Variants in RPH3A observed in about 807,000 individuals in gnomAD.
RPH3A encodes rabphilin 3A, also known as rabphilin-3A.
Under a neutral mutation model 102.2 loss-of-function variants are expected in RPH3A, and 48 were observed. The observed-to-expected ratio is 0.47, with a 90% confidence interval of 0.37 to 0.60. The LOEUF is 0.60. Among genes scored for constraint, RPH3A ranks in the 20% least tolerant of loss-of-function variants. The pLI is 0.00. For synonymous variants in RPH3A, 310 were observed against 324.3 expected (o/e 0.96, Z 0.47); for missense variants, 781 against 910.1 (o/e 0.86, Z 1.83).
At chr12:112,643,539 CAT>C (rs1374635934) in intron 1 of RPH3A, among the ~76,000 whole-genome samples, 2 of 152,230 alleles carry the variant, frequency 1.3e-5, no homozygotes, top group African/African-American at 4.8e-5. Flanking sequence ...AAAGAGAAGA[CAT>C]AGTTTCTGCT....
At chr12:112,630,139 TCCAC>T (rs746357341) in intron 1 of RPH3A, among the ~76,000 whole-genome samples, 2 of 151,978 alleles carry the variant, frequency 1.3e-5, no homozygotes, top group African/African-American at 4.8e-5. Flanking sequence ...CATCTACCCA[TCCAC>T]CCACCCACCC....
At chr12:112,585,438 T>G (rs2039431821) in intron 1 of RPH3A, among the ~76,000 whole-genome samples, 1 of 152,150 alleles carries the variant, frequency 6.6e-6, no homozygotes, top group Admixed American at 6.6e-5. Flanking sequence ...TGAATCCCGT[T>G]TCTTGAAAAG....
chr12:112,832,806 A>G (rs73198783), intron 3 of RPH3A, among the ~76,000 whole-genome samples: 47,171 of 152,146 alleles, frequency 0.31, 7,585 homozygotes, highest in Middle Eastern at 0.39. Flanking sequence ...TTATGCCACC[A>G]CACTCCAGCT....
At chr12:112,666,571 C>T (rs767856068) in intron 1 of RPH3A, among the ~76,000 whole-genome samples, 7 of 152,176 alleles carry the variant, frequency 4.6e-5, no homozygotes, top group South Asian at 2.1e-4. Flanking sequence ...GGGAAATAAG[C>T]GGCAGGAAGA....
chr12:112,743,429 A>G (rs969421965), intron 1 of RPH3A, among the ~76,000 whole-genome samples: 1 of 151,884 alleles, frequency 6.6e-6, no homozygotes. Context: ...GTTTTTCCAT[A>G]GAGACTACAC....
intron 1 of RPH3A, among the ~76,000 whole-genome samples, chr12:112,735,282 T>A (rs2040661444): frequency 6.6e-6 from 1 of 152,218 alleles, no homozygotes; most frequent in South Asian, 2.1e-4. Flanking sequence ...GTAAGGCTTG[T>A]AAATTCCACT....
At chr12:112,719,064 G>A (rs184370636) in intron 1 of RPH3A, among the ~76,000 whole-genome samples, 1 of 152,134 alleles carries the variant, frequency 6.6e-6, no homozygotes, top group Non-Finnish European at 1.5e-5. Context: ...ATTTTTTGTT[G>A]TCACAAATGG....
intron 1 of RPH3A, among the ~76,000 whole-genome samples, chr12:112,593,136 C>G (rs923737562): frequency 6.6e-6 from 1 of 152,078 alleles, no homozygotes; most frequent in African/African-American, 2.4e-5. Context: ...AGAAGAGACA[C>G]CAGAGAGCTT....
chr12:112,860,333 G>A (rs1446972278), intron 5 of RPH3A, among the ~76,000 whole-genome samples: 2 of 152,174 alleles, frequency 1.3e-5, no homozygotes, highest in African/African-American at 4.8e-5. Context: ...CATGGATAAT[G>A]AGGGTCCCTG....
At chr12:112,784,099 A>G (rs915435831) in intron 1 of RPH3A, among the ~76,000 whole-genome samples, 2 of 152,080 alleles carry the variant, frequency 1.3e-5, no homozygotes, top group Admixed American at 1.3e-4. Context: ...TTTCCATCAG[A>G]GCTTAAAGCT....
At chr12:112,619,923 A>C (rs2039710482) in intron 1 of RPH3A, among the ~76,000 whole-genome samples, 1 of 152,188 alleles carries the variant, frequency 6.6e-6, no homozygotes, top group Non-Finnish European at 1.5e-5. Flanking sequence ...GAGTTACCAA[A>C]ACAGTCCAAC....
rs1372107619 is a variant in RPH3A at position 112,791,902 on chromosome 12, G to GAGAGAGAGAGAGAGAGAGAGAC, written c.-247_-246insGAGAGAGAGAGAGAGAGACAGA. The GAGAGAGAGAGAGAGAGAGAGAC allele has an allele frequency of 2.0e-5, 3 of 150,994 alleles. No homozygotes were observed. The highest frequency in any genetic ancestry group is 7.4e-5 in the African/African-American group (3 of 40,688). 9.4% of individuals were successfully genotyped at this position (150,994 alleles called of 1,614,324 possible). ...AGAGAGAGAGAGAGAGAGAGAGAGAGAGACTCACAGAGCTAAAACCTTCAT... is the reference window on the plus strand; with the variant it reads ...AGAGAGAGAGAGAGAGAGAGAGAGAGAGAGAGAGAGAGAGAGAGAGACAGACTCACAGAGCTAAAACCTTCAT... On this transcript the variant is annotated 5_prime_UTR_variant, in exon 1 of 22. Coordinates refer to ENST00000389385, the MANE Select transcript of RPH3A (RefSeq NM_001143854.2).
Position 112,792,258 on chromosome 12 carries a change from G to T in RPH3A, c.-24G>T, listed in dbSNP as rs911748597. 6.6e-6 allele frequency: 1 copy of T among 152,198 alleles called. No individual in the cohort carries two copies. The highest frequency in any genetic ancestry group is 2.4e-5 in the African/African-American group (1 of 41,430). 9.4% of individuals were successfully genotyped at this position (152,198 alleles called of 1,614,324 possible). On this transcript the variant is annotated 5_prime_UTR_variant, in exon 2 of 22. Transcript: ENST00000389385. ...CCCATTCCCCCTGCAAGCCTCCAGC[G>T]TCGCGGTAAGTGATATTCTCCCGGG...
chr12:112,704,570 T>G (rs988152426), intron 1 of RPH3A, among the ~76,000 whole-genome samples: 4 of 152,090 alleles, frequency 2.6e-5, no homozygotes, highest in Admixed American at 6.6e-5. Flanking sequence ...GACCCATATA[T>G]CTAAGAAACT....
chr12:112,604,041 A>G (rs970948193), intron 1 of RPH3A, among the ~76,000 whole-genome samples: 1 of 152,228 alleles, frequency 6.6e-6, no homozygotes, highest in Admixed American at 6.5e-5. Context: ...AAAGTTCTAA[A>G]TAAGTACATT....
At chr12:112,835,035 T>G (rs950989557) in intron 3 of RPH3A, among the ~76,000 whole-genome samples, 63 of 152,308 alleles carry the variant, frequency 4.1e-4, no homozygotes, top group African/African-American at 1.5e-3. Context: ...TTTTAAAGTT[T>G]GCTTTAATTT....
At chr12:112,871,702 G>GTA (rs3038113) in intron 10 of RPH3A, among the ~76,000 whole-genome samples, 3,039 of 148,804 alleles carry the variant, frequency 0.02, 123 homozygotes, top group African/African-American at 0.069. Context: ...TTTATATAGT[G>GTA]TATATATATA....
At chr12:112,883,042 A>G (rs2042942587) in intron 15 of RPH3A, among the ~76,000 whole-genome samples, 1 of 152,106 alleles carries the variant, frequency 6.6e-6, no homozygotes, top group African/African-American at 2.4e-5. Context: ...TTCTTAAGGG[A>G]AAGTTCAAGG....
At chr12:112,739,534 T>C (rs1376208444) in intron 1 of RPH3A, among the ~76,000 whole-genome samples, 3 of 152,196 alleles carry the variant, frequency 2.0e-5, no homozygotes, top group African/African-American at 7.2e-5. Context: ...CATTTCCATA[T>C]GGAATGACAG....
Sources: gnomAD v4.1 joint callset for allele counts (sites outside exome capture counted in the v4.1 genomes callset) on GRCh38, gnomAD v4.1.1 for gene constraint, MANE v1.5 for transcripts, NCBI Gene and HGNC (gene_info 2026-07-23, HGNC 2026-07-21) for gene names.